ACTN3: variants seen among roughly 807,000 people sequenced by gnomAD.
ACTN3 encodes actinin alpha 3.
In ACTN3, 91 loss-of-function variants were observed where a neutral mutation model predicts 119.6. The observed-to-expected ratio is 0.76, with a 90% CI of 0.64 to 0.91. ACTN3 has a LOEUF of 0.91. Among genes scored for constraint, ACTN3 ranks in the 40% least tolerant of loss-of-function variants. The pLI is 0.00. For synonymous variants in ACTN3, 456 were observed against 478.8 expected, an observed-to-expected ratio of 0.95 and a Z score of 0.62; for missense variants, 1,221 against 1,215.1, an observed-to-expected ratio of 1.00 and a Z score of -0.07.
chr11:66,562,807 G>A lies in ACTN3; in HGVS notation c.2400G>A (p.Glu800=), dbSNP rs977404220. ...ISMGYDLGEV[E]FARIMTMVDP... ...CTCTATCCCTGCAGGGGGAAGTGGAGTTTGCTCGCATCATGACCATGGTGG... is the reference window on the plus strand; with the variant it reads ...CTCTATCCCTGCAGGGGGAAGTGGAATTTGCTCGCATCATGACCATGGTGG... The change falls in exon 20 of 21, where the codon GAG becomes GAA. Residue 800 remains glutamate, a synonymous_variant. Coordinates refer to ENST00000513398, the MANE Select transcript of ACTN3 (RefSeq NM_001104.4). The A allele has an allele frequency of 2.5e-6, 4 of 1,609,632 alleles. No homozygotes were observed. The African/African-American group carries it at 5.3e-5, about 22-fold the overall frequency.
chr11:66,561,210 A>G lies in ACTN3; in HGVS notation c.1861-17A>G. 6.5e-7 allele frequency: 1 copy of G among 1,528,574 alleles called. No homozygotes were observed. Among genetic ancestry groups the G allele is most frequent in the African/African-American group, 1.4e-5 (1 of 72,394 alleles). The allele number at this position is 1,528,574 out of a possible 1,614,324, so 94.7% of individuals were successfully genotyped here. A position where few individuals can be genotyped will look rare whatever the true frequency, so the allele number is the denominator to read the frequency against. ...CAGCCCCCAGAGCTGGCTCTGGCAT[A>G]ACTGCCCTCCTCCCAGGTCCGAAAG... is the stretch of plus-strand genomic sequence containing the variant. On this transcript the variant is annotated splice_polypyrimidine_tract_variant and intron_variant, in intron 15 of 20. Coordinates refer to ENST00000513398, the MANE Select transcript of ACTN3 (RefSeq NM_001104.4).
rs764415736 is a variant in ACTN3, at chr11:66,558,135, T to C, written c.1237T>C (p.Phe413Leu). ...GCGACTCCAGCACCTGGCTGAGAAGTTCCGGCAGAAGGCCTCCCTGCACGA... is the reference window on the plus strand; with the variant it reads ...GCGACTCCAGCACCTGGCTGAGAAGCTCCGGCAGAAGGCCTCCCTGCACGA... ...LQRLQHLAEKFRQKASLHEAW... is the reference protein window; with the variant it reads ...LQRLQHLAEKLRQKASLHEAW... Residue 413 changes from phenylalanine to leucine, a missense_variant, in exon 11 of 21, where the codon TTC (phenylalanine) becomes CTC (leucine). This residue lies in a region of ACTN3 where 934 missense variants were observed against 899.9 expected (regional missense o/e 1.04). Transcript: ENST00000513398. 2.5e-6 allele frequency: 4 copies of C among 1,613,688 alleles called. No homozygotes were observed. The East Asian group carries it at 8.9e-5, about 36-fold the overall frequency.
intron 3 of ACTN3, among the ~76,000 whole-genome samples, chr11:66,552,413 C>A (rs1857492280): frequency 6.6e-6 from 1 of 151,830 alleles, no homozygotes; most frequent in Non-Finnish European, 1.5e-5. Flanking sequence ...AAAGTGCCAG[C>A]TCAGCCCCCA....
At chr11:66,547,400 G>T (rs563200898) in intron 1 of ACTN3, among the ~76,000 whole-genome samples, 3 of 151,378 alleles carry the variant, frequency 2.0e-5, no homozygotes, top group Non-Finnish European at 2.9e-5. Flanking sequence ...AGTTAGGGGG[G>T]GTTCAGAAAG....
In ACTN3 at chr11:66,558,005, C is replaced by T. The variant is rs549087752; in HGVS notation, c.1129-22C>T. 2.3e-5 allele frequency: 37 copies of T among 1,613,476 alleles called. No individual in the cohort carries two copies. In the East Asian group the frequency reaches 5.3e-4, roughly 23 times the overall value. Reference sequence around the variant, plus strand: ...GTACAATGGGCAAACCGTGATGGAGCGCACCCCTGCCTGCTCCACAGGACA... The same window carrying T: ...GTACAATGGGCAAACCGTGATGGAGTGCACCCCTGCCTGCTCCACAGGACA... On this transcript the variant is annotated intron_variant, in intron 10 of 20. Coordinates refer to ENST00000513398, the MANE Select transcript of ACTN3 (RefSeq NM_001104.4).
At position 66,551,555 on chromosome 11, in the gene ACTN3, G is replaced by A; in HGVS notation, c.290G>A (p.Gly97Asp). Reference protein sequence around the residue: ...SGERLPRPDKGKMRFHKIANV... With the variant: ...SGERLPRPDKDKMRFHKIANV... ...GAGAGGCTGCCTAGGCCAGATAAAG[G>A]CAAGATGCGCTTCCACAAAATCGCC... Residue 97 changes from glycine to aspartate, a missense_variant, in exon 3 of 21, where the codon GGC (glycine) becomes GAC (aspartate). Around this residue, in one of 3 missense-constraint regions of ACTN3, gnomAD observed 239 missense variants for 231.8 expected, o/e 1.03. Transcript: ENST00000513398. 6.2e-7 allele frequency: 1 copy of A among 1,614,096 alleles called. No individual in the cohort carries two copies. The highest frequency in any genetic ancestry group is 1.1e-5 in the South Asian group (1 of 91,080).
rs1857809226 is a variant in ACTN3 at position 66,562,649 on chromosome 11, C to G, written c.2389-147C>G. The G allele has an allele frequency of 5.3e-6, 5 of 948,190 alleles. No individual in the cohort carries two copies. The Admixed American group carries it at 7.1e-5, about 13-fold the overall frequency. 58.7% of individuals were successfully genotyped at this position (948,190 alleles called of 1,614,324 possible). A position where few individuals can be genotyped will look rare whatever the true frequency, so the allele number is the denominator to read the frequency against. ...TCAGCCTACCATAAAGGACTTCCTA[C>G]AGCCAGGGCTAAGGTCTCTGGAGGA... On this transcript the variant is annotated intron_variant, in intron 19 of 20. Coordinates refer to ENST00000513398, the MANE Select transcript of ACTN3 (RefSeq NM_001104.4).
chr11:66,554,107 G>A lies in ACTN3; in HGVS notation c.445G>A (p.Ala149Thr), dbSNP rs374445358. Residue 149 changes from alanine to threonine, a missense_variant, in exon 4 of 21, where the codon GCC (alanine) becomes ACC (threonine). Transcript: ENST00000513398. ...GMIWTIILRFAIQDISVEETS... is the reference protein window; with the variant it reads ...GMIWTIILRFTIQDISVEETS... ...GATCTGGACCATCATCCTTCGCTTC[G>A]CCATCCAGGACATCTCTGTGGAAGG... The A allele has an allele frequency of 4.2e-5, 68 of 1,613,616 alleles. No homozygotes were observed. The highest frequency in any genetic ancestry group is 5.3e-5 in the Non-Finnish European group (63 of 1,179,896).
At chr11:66,552,362 T>A (rs1292264263) in intron 3 of ACTN3, among the ~76,000 whole-genome samples, 1 of 125,062 alleles carries the variant, frequency 8.0e-6, no homozygotes, top group African/African-American at 3.7e-5. Flanking sequence ...AGAGCTAGAC[T>A]CCGTCTCAAA....
intron 3 of ACTN3, among the ~76,000 whole-genome samples, chr11:66,552,351 CAG>C (rs1185171862): frequency 5.4e-5 from 8 of 148,714 alleles, no homozygotes; most frequent in African/African-American, 2.0e-4. Flanking sequence ...GCCTGGGTGA[CAG>C]AGCTAGACTC....
upstream of ACTN3, chr11:66,546,451 T>A: frequency 1.5e-6 from 2 of 1,301,028 alleles, no homozygotes; most frequent in Non-Finnish European, 2.1e-6. Flanking sequence ...TGCCCGGGTG[T>A]CTCCATCACC....
chr11:66,559,194 C>A, intron 11 of ACTN3, 42 bp from the exon 12 acceptor site: 1 of 1,446,984 alleles, frequency 6.9e-7, no homozygotes, highest in Non-Finnish European at 9.1e-7. Flanking sequence ...ACCCCTGCCC[C>A]TGCCGCCACT....
At chr11:66,560,886 G>C (rs1309897861) in intron 15 of ACTN3, 131 bp downstream of exon 15, 1 of 1,044,822 alleles carries the variant, frequency 9.6e-7, no homozygotes, top group Non-Finnish European at 1.4e-6. Flanking sequence ...CTCCACGTGG[G>C]ATTGGATAAA....
intron 3 of ACTN3, among the ~76,000 whole-genome samples, chr11:66,553,258 C>A (rs1347383729): frequency 6.6e-6 from 1 of 150,680 alleles, no homozygotes; most frequent in Non-Finnish European, 1.5e-5. Flanking sequence ...TGTCACCCCC[C>A]AAAAAATAGA....
At chr11:66,553,916 C>G (rs111458945) in intron 3 of ACTN3, 129 bp from the exon 4 acceptor site, 418 of 595,268 alleles carry the variant, frequency 7.0e-4, no homozygotes, top group African/African-American at 6.2e-3. Context: ...TAGGTGCTCA[C>G]CTACTAGGTG....
chr11:66,552,359 G>C (rs1315550072), intron 3 of ACTN3, among the ~76,000 whole-genome samples: 1 of 137,360 alleles, frequency 7.3e-6, no homozygotes, highest in Non-Finnish European at 1.5e-5. Context: ...GACAGAGCTA[G>C]ACTCCGTCTC....
upstream of ACTN3, chr11:66,546,810 C>G: frequency 6.5e-7 from 1 of 1,530,488 alleles, no homozygotes; most frequent in Non-Finnish European, 8.7e-7. Flanking sequence ...TCCTTCACCC[C>G]CATCCGGCCC....
chr11:66,563,184 C>T lies in ACTN3; in HGVS notation c.2697C>T (p.Ser899=), dbSNP rs760528694. 5.0e-6 allele frequency: 8 copies of T among 1,602,430 alleles called. No homozygotes were observed. Among genetic ancestry groups the T allele is most frequent in the Non-Finnish European group, 6.0e-6 (7 of 1,173,372 alleles). ...VAFSSALYGE[S]DL ...TCTCCAGTGCCCTCTATGGGGAGAG[C>T]GACCTTTGACCCCAACCACTGAGGT... The change falls in exon 21 of 21, where the codon AGC becomes AGT. Residue 899 remains serine (S), a synonymous_variant. Coordinates refer to ENST00000513398, the MANE Select transcript of ACTN3 (RefSeq NM_001104.4).
chr11:66,562,363 C>A, intron 19 of ACTN3, 41 bp downstream of exon 19: 1 of 1,600,170 alleles, frequency 6.2e-7, no homozygotes, highest in Middle Eastern at 2.2e-4. Flanking sequence ...CCCAAAGTAC[C>A]CCCTCCTCTG....
Sources: gnomAD v4.1 joint callset for allele counts (sites outside exome capture counted in the v4.1 genomes callset) on GRCh38, gnomAD v4.1.1 for gene constraint, gnomAD v4.1.1 regional missense constraint, MANE v1.5 for transcripts, NCBI Gene and HGNC (gene_info 2026-07-23, HGNC 2026-07-21) for gene names.